The following SASH1 variants were observed in gnomAD, a reference collection of about 807,000 sequenced individuals.
SASH1 encodes the protein SAM and SH3 domain-containing protein 1.
A neutral mutation model predicts 125.2 loss-of-function variants in SASH1; 44 were observed. The observed-to-expected ratio is 0.35, with a 90% CI of 0.28 to 0.45. The LOEUF (loss-of-function observed/expected upper bound fraction) is 0.45. SASH1 is among the 20% of genes least tolerant of loss of function. The pLI, the probability that SASH1 is intolerant of heterozygous loss-of-function variation, is 1.00. For missense variants in SASH1, 1,426 were observed against 1,614.5 expected (o/e 0.88, Z 2.00); for synonymous variants, 639 against 649.1 (o/e 0.98, Z 0.24).
intron 2 of SASH1, among the ~76,000 whole-genome samples, chr6:148,409,993 C>T (rs1413658289): frequency 6.6e-6 from 1 of 150,896 alleles, no homozygotes; most frequent in Non-Finnish European, 1.5e-5. Flanking sequence ...TATAAGGGAA[C>T]ATGCTCTTAT....
chr6:148,253,754 C>T, the SASH1 span, among the ~76,000 whole-genome samples: 1 of 152,080 alleles, frequency 6.6e-6, no homozygotes, highest in Non-Finnish European at 1.5e-5. Flanking sequence ...TGCCTGTAGT[C>T]CCAGCTACTG....
At position 148,287,686 on chromosome 6, in the gene SASH1, C is replaced by CGT. The variant is rs1204972965; in HGVS notation, n.74+15317_74+15318dup. Among the ~76,000 whole-genome samples, 75 of 133,862 alleles carry CGT rather than the reference C, an allele frequency of 5.6e-4. 1 individual carries two copies. Among genetic ancestry groups the CGT allele is most frequent in the South Asian group, 2.1e-3 (9 of 4,286 alleles). 87.8% of individuals were successfully genotyped at this position (133,862 alleles called of 152,430 possible). On this transcript the variant is annotated intron_variant and non_coding_transcript_variant, in intron 1 of 3. Transcript: ENST00000367469. ...TGTACATGCCTGTAATCAGTGCGTGCGTGTGTGTGGGGGGGTGGGGGGTGG... is the reference window on the plus strand; with the variant it reads ...TGTACATGCCTGTAATCAGTGCGTGCGTGTGTGTGTGGGGGGGTGGGGGGTGG...
chr6:148,408,032 A>G (rs1238163891), intron 2 of SASH1, among the ~76,000 whole-genome samples: 1 of 152,130 alleles, frequency 6.6e-6, no homozygotes, highest in Non-Finnish European at 1.5e-5. Flanking sequence ...ATCCTTGCTA[A>G]CACTTTTTTT....
intron 1 of SASH1, among the ~76,000 whole-genome samples, chr6:148,313,983 T>A (rs1412361955): frequency 1.3e-5 from 2 of 152,168 alleles, no homozygotes; most frequent in African/African-American, 4.8e-5. Context: ...AAGCTCAGTG[T>A]TTTCCTGTCC....
At position 148,471,386 on chromosome 6, in the gene SASH1, CTTTTTTTTTTTTTTT is replaced by C. The variant is rs35487674; in HGVS notation, c.428-18_428-4del. ...GAATTTATTGCTTGTGCTTTTTGTT[CTTTTTTTTTTTTTTT>C]TTTTTTTTTTTTAAGGAAAAGGAGA... On this transcript the variant is annotated splice_polypyrimidine_tract_variant and intron_variant, in intron 5 of 19. Transcript: ENST00000367467. 9.6e-4 allele frequency: 483 copies of C among 503,566 alleles called. 3 individuals carry two copies. The highest frequency in any genetic ancestry group is 1.2e-3 in the Non-Finnish European group (424 of 340,664). The allele number at this position is 503,566 out of a possible 1,614,324, so 31.2% of individuals were successfully genotyped here.
intron 8 of SASH1, among the ~76,000 whole-genome samples, chr6:148,494,546 G>A (rs777527524): frequency 3.3e-5 from 5 of 152,142 alleles, no homozygotes; most frequent in Non-Finnish European, 2.9e-5. Flanking sequence ...AGAGTCGCTT[G>A]AACCCGGGAG....
chr6:148,246,640 T>C, the SASH1 span, among the ~76,000 whole-genome samples: 1 of 152,118 alleles, frequency 6.6e-6, no homozygotes, highest in Admixed American at 6.5e-5. Flanking sequence ...AAAAAGAAAA[T>C]ATTTTAAGGA....
chr6:148,523,596 T>C (rs1304470477), intron 10 of SASH1, among the ~76,000 whole-genome samples: 2 of 152,300 alleles, frequency 1.3e-5, no homozygotes, highest in East Asian at 1.9e-4. Context: ...AGAACAGCTC[T>C]GAGACCTCCT....
Position 148,533,552 on chromosome 6 carries a change from G to A in SASH1, c.1735-219G>A, listed in dbSNP as rs552377783. On this transcript the variant is annotated intron_variant, in intron 14 of 19. Coordinates refer to ENST00000367467, the MANE Select transcript of SASH1 (RefSeq NM_015278.5). The surrounding 1 kb of genome is among the most constrained non-coding windows in gnomAD (Gnocchi z 6.2). ...GGAGGGTGGAGGGGCTGTGACCGGG[G>A]GCCTGCGTGGAATTCCGTACAGTCA... Among the ~76,000 whole-genome samples, 1 of 152,186 alleles carries A rather than the reference G, an allele frequency of 6.6e-6. No individual in the cohort carries two copies. Among genetic ancestry groups the A allele is most frequent in the African/African-American group, 2.4e-5 (1 of 41,524 alleles).
At chr6:148,269,611 T>C (rs1779016570), upstream of SASH1, among the ~76,000 whole-genome samples, 1 of 152,204 alleles carries the variant, frequency 6.6e-6, no homozygotes, top group African/African-American at 2.4e-5. Flanking sequence ...CATTTCATTG[T>C]CAGATTGCAT....
intron 1 of SASH1, among the ~76,000 whole-genome samples, chr6:148,372,094 A>G: frequency 6.6e-6 from 1 of 152,174 alleles, no homozygotes; most frequent in East Asian, 1.9e-4. Context: ...AATTGTTTAG[A>G]TTGCAGTTAC....
At chr6:148,389,578 G>T (rs1160582624) in intron 1 of SASH1, among the ~76,000 whole-genome samples, 1 of 152,158 alleles carries the variant, frequency 6.6e-6, no homozygotes, top group Non-Finnish European at 1.5e-5. Flanking sequence ...CTCCTGAGAG[G>T]TGCAGTGAGA....
intron 1 of SASH1, among the ~76,000 whole-genome samples, chr6:148,378,260 G>A (rs113559759): frequency 0.017 from 2,539 of 151,994 alleles, 66 homozygotes; most frequent in African/African-American, 0.057. Context: ...CACCATGTTG[G>A]CCAGGCTAGT....
chr6:148,386,889 A>G (rs1194955986), intron 1 of SASH1, among the ~76,000 whole-genome samples: 1 of 152,142 alleles, frequency 6.6e-6, no homozygotes, highest in East Asian at 1.9e-4. Flanking sequence ...CAGGGTGAAC[A>G]GGGATGGTGA....
chr6:148,343,437 TTA>T (rs1321089207), intron 1 of SASH1, among the ~76,000 whole-genome samples: 6 of 152,318 alleles, frequency 3.9e-5, no homozygotes, highest in African/African-American at 1.4e-4. Flanking sequence ...AAGGTGTTTT[TTA>T]AACAATCGGG....
chr6:148,545,497 G>A (rs1782500334), intron 18 of SASH1, among the ~76,000 whole-genome samples: 1 of 152,234 alleles, frequency 6.6e-6, no homozygotes, highest in Non-Finnish European at 1.5e-5. Flanking sequence ...GGTATCACTT[G>A]TAGCAGATAA....
chr6:148,461,077 G>A (rs759800058), intron 4 of SASH1, among the ~76,000 whole-genome samples: 21 of 152,164 alleles, frequency 1.4e-4, no homozygotes, highest in Non-Finnish European at 4.4e-5. Context: ...CAGACACTGC[G>A]CAAAGCTCTT....
In SASH1 at chr6:148,549,957, C is replaced by T. The variant is rs7767787; in HGVS notation, c.*1399C>T. ...CCCGAGTAGCTGGGATTATAGGCACCCACCACCACGCCCAGCTAATTTTTG... is the reference window on the plus strand; with the variant it reads ...CCCGAGTAGCTGGGATTATAGGCACTCACCACCACGCCCAGCTAATTTTTG... On this transcript the variant is annotated 3_prime_UTR_variant, in exon 20 of 20. Coordinates refer to ENST00000367467, the MANE Select transcript of SASH1 (RefSeq NM_015278.5). 420 of 163,244 alleles carry T rather than the reference C, an allele frequency of 2.6e-3. 3 individuals are homozygous for T. The highest frequency in any genetic ancestry group is 9.4e-3 in the African/African-American group (397 of 42,060). 10.1% of individuals were successfully genotyped at this position (163,244 alleles called of 1,614,324 possible).
At chr6:148,453,561 G>A (rs1777202038) in intron 4 of SASH1, among the ~76,000 whole-genome samples, 2 of 152,150 alleles carry the variant, frequency 1.3e-5, no homozygotes, top group Admixed American at 6.5e-5. Flanking sequence ...CTGTTTATCT[G>A]CAAGGGGCAG....
Sources: gnomAD v4.1 joint callset for allele counts (sites outside exome capture counted in the v4.1 genomes callset) on GRCh38, gnomAD v4.1.1 for gene constraint, Gnocchi (gnomAD v3.1) non-coding constraint, MANE v1.5 for transcripts, NCBI Gene and HGNC (gene_info 2026-07-23, HGNC 2026-07-21) for gene names.